CRADD: variants seen among roughly 807,000 people sequenced by gnomAD.
CRADD encodes the protein CARD and death domain containing adaptor protein.
Under a neutral mutation model 15.5 loss-of-function variants are expected in CRADD, and 9 were observed. That is an observed-to-expected ratio of 0.58 (90% CI 0.35 to 1.01). The LOEUF (loss-of-function observed/expected upper bound fraction) is 1.01, where lower values mean the gene tolerates loss of function less well. CRADD is among the 50% of genes least tolerant of loss of function. The pLI, the probability that CRADD is intolerant of heterozygous loss-of-function variation, is 0.02. For missense variants in CRADD, 227 were observed against 250.3 expected, an observed-to-expected ratio of 0.91 and a Z score of 0.63; for synonymous variants, 118 against 107.6, an observed-to-expected ratio of 1.10 and a Z score of -0.60.
intron 2 of CRADD, among the ~76,000 whole-genome samples, chr12:93,753,424 C>T (rs1956852271): frequency 6.6e-6 from 1 of 152,202 alleles, no homozygotes; most frequent in Admixed American, 6.5e-5. Flanking sequence ...GCCTTCCCAA[C>T]AGTCCCCCAA....
intron 2 of CRADD, among the ~76,000 whole-genome samples, chr12:93,881,446 G>T (rs927702321): frequency 7.9e-5 from 11 of 138,544 alleles, no homozygotes; most frequent in Admixed American, 1.5e-4. Context: ...GTGTGGGGGG[G>T]GGGTGGGGAT....
At position 93,808,758 on chromosome 12, in the gene CRADD, C is replaced by T. The variant is rs1957579463; in HGVS notation, c.299-41212C>T. On this transcript the variant is annotated intron_variant, in intron 2 of 2. Coordinates refer to ENST00000332896, the MANE Select transcript of CRADD (RefSeq NM_003805.5). ...GAGTAGCTGCATGCACTGAGTACTG[C>T]ATTGCTTGCCCAGGTCACCTCTGAA... Among the ~76,000 whole-genome samples, 3 of 152,242 alleles carry T rather than the reference C, an allele frequency of 2.0e-5. No individual in the cohort carries two copies. The South Asian group carries it at 6.2e-4, about 32-fold the overall frequency.
chr12:93,863,597 TGTGTG>T (rs747194918), intron 2 of CRADD, among the ~76,000 whole-genome samples: 14 of 8,840 alleles, frequency 1.6e-3, no homozygotes, highest in Admixed American at 6.9e-3. Context: ...TGGAGGCATT[TGTGTG>T]TGTGTGTGTG....
In CRADD at chr12:93,817,193, A is replaced by G. The variant is rs75579741; in HGVS notation, c.299-32777A>G. ...TGTCTCCTAATTTGGAAGGAGGTCCATCGGAGACTCAGATCTGGTCCTTCA... is the reference window on the plus strand; with the variant it reads ...TGTCTCCTAATTTGGAAGGAGGTCCGTCGGAGACTCAGATCTGGTCCTTCA... On this transcript the variant is annotated intron_variant, in intron 2 of 2. Coordinates refer to ENST00000332896, the MANE Select transcript of CRADD (RefSeq NM_003805.5). Among the ~76,000 whole-genome samples, 561 of 152,314 alleles carry G rather than the reference A, an allele frequency of 3.7e-3. 2 individuals carry two copies. The highest frequency in any genetic ancestry group is 0.012 in the African/African-American group (512 of 41,574).
At chr12:93,816,370 T>TCAC (rs1957697232) in intron 2 of CRADD, among the ~76,000 whole-genome samples, 3 of 140,842 alleles carry the variant, frequency 2.1e-5, no homozygotes, top group African/African-American at 8.1e-5. Flanking sequence ...GCGTGTGCCG[T>TCAC]GATGCCTGGC....
chr12:93,730,644 A>G (rs1956446729), intron 2 of CRADD, among the ~76,000 whole-genome samples: 2 of 152,052 alleles, frequency 1.3e-5, no homozygotes, highest in African/African-American at 2.4e-5. Context: ...TCAGTGAAAG[A>G]TGGGTTAAAT....
intron 2 of CRADD, among the ~76,000 whole-genome samples, chr12:93,832,043 G>C (rs1485890): frequency 0.19 from 28,730 of 152,154 alleles, 3,547 homozygotes; most frequent in Non-Finnish European, 0.28. Context: ...TGAAAACATT[G>C]TATACATTTA....
intron 2 of CRADD, among the ~76,000 whole-genome samples, chr12:93,691,442 C>T (rs1400494726): frequency 6.6e-6 from 1 of 151,890 alleles, no homozygotes; most frequent in East Asian, 1.9e-4. Context: ...TTAGTAGAGA[C>T]AGGGTTTCAC....
chr12:93,729,538 G>C (rs1956427021), intron 2 of CRADD, among the ~76,000 whole-genome samples: 1 of 152,142 alleles, frequency 6.6e-6, no homozygotes, highest in Non-Finnish European at 1.5e-5. Flanking sequence ...TGTAATTGCA[G>C]CACTTTGGGA....
intron 2 of CRADD, among the ~76,000 whole-genome samples, chr12:93,788,511 C>T (rs912182635): frequency 6.6e-6 from 1 of 152,124 alleles, no homozygotes; most frequent in Non-Finnish European, 1.5e-5. Context: ...AGAGCACCTC[C>T]TTAGCAAATG....
chr12:93,875,146 T>A, intron 2 of CRADD, among the ~76,000 whole-genome samples: 1 of 152,158 alleles, frequency 6.6e-6, no homozygotes, highest in East Asian at 1.9e-4. Context: ...TCTTGCTGAA[T>A]TGACCCCTTT....
intron 2 of CRADD, among the ~76,000 whole-genome samples, chr12:93,783,493 T>G (rs1043933106): frequency 2.0e-5 from 3 of 152,010 alleles, no homozygotes; most frequent in African/African-American, 7.2e-5. Context: ...GGAGTAGCAT[T>G]TGTGTTTTTT....
chr12:93,790,143 CT>C (rs1957331734), intron 2 of CRADD, among the ~76,000 whole-genome samples: 1 of 152,176 alleles, frequency 6.6e-6, no homozygotes, highest in Non-Finnish European at 1.5e-5. Flanking sequence ...ATGTTGTCAA[CT>C]CTGCTACTCA....
chr12:93,850,505 G>C lies in CRADD; in HGVS notation c.*234G>C. On this transcript the variant is annotated 3_prime_UTR_variant, in exon 3 of 3. Transcript: ENST00000332896. The surrounding 1 kb of genome is among the most constrained non-coding windows in gnomAD (Gnocchi z 4.0). The stretch of plus-strand genomic sequence containing the variant: ...TTTTTAATTGCTTGAAGATTGCATT[G>C]TTGTAATTGTTCAGTTTTTAAATGT... The C allele has an allele frequency of 7.9e-7, 1 of 1,260,322 alleles. No individual in the cohort carries two copies. Among genetic ancestry groups the C allele is most frequent in the Non-Finnish European group, 1.0e-6 (1 of 1,004,288 alleles). 78.1% of individuals were successfully genotyped at this position (1,260,322 alleles called of 1,614,324 possible).
chr12:93,790,767 T>C (rs1957340037), intron 2 of CRADD: 1 of 152,092 alleles, frequency 6.6e-6, no homozygotes, highest in Admixed American at 6.6e-5. Flanking sequence ...GTAAGCATGA[T>C]CTGTACTCCT....
intron 2 of CRADD, among the ~76,000 whole-genome samples, chr12:93,805,264 T>C (rs1245857292): frequency 1.3e-5 from 2 of 152,084 alleles, no homozygotes; most frequent in Admixed American, 1.3e-4. Flanking sequence ...CGAGAAAATA[T>C]ATATTTCTGA....
At chr12:93,810,551 CAAAAAAAAAAAAAAAAAAAAAAA>C (rs56689824) in intron 2 of CRADD, among the ~76,000 whole-genome samples, 56 of 39,068 alleles carry the variant, frequency 1.4e-3, no homozygotes, top group Non-Finnish European at 2.0e-3. Context: ...AAATCAGTCT[CAAAAAAAAAAAAAAAAAAAAAAA>C]AAAAAAAAAA....
chr12:93,754,243 G>T (rs1956863388), intron 2 of CRADD, among the ~76,000 whole-genome samples: 1 of 152,230 alleles, frequency 6.6e-6, no homozygotes, highest in African/African-American at 2.4e-5. Context: ...CACACAGCAG[G>T]AGTCCCTGGA....
At chr12:93,786,808 A>G (rs1957283022) in intron 2 of CRADD, among the ~76,000 whole-genome samples, 1 of 152,166 alleles carries the variant, frequency 6.6e-6, no homozygotes, top group Non-Finnish European at 1.5e-5. Context: ...TCTAGTGAGT[A>G]ATGGCCCTTC....
Sources: gnomAD v4.1 joint callset for allele counts (sites outside exome capture counted in the v4.1 genomes callset) on GRCh38, gnomAD v4.1.1 for gene constraint, Gnocchi (gnomAD v3.1) non-coding constraint, MANE v1.5 for transcripts, NCBI Gene and HGNC (gene_info 2026-07-23, HGNC 2026-07-21) for gene names.